Variants in DNAH17 observed in about 807,000 individuals in gnomAD.
DNAH17 encodes the protein dynein axonemal heavy chain 17, also known as axonemal beta dynein heavy chain 17.
A neutral mutation model predicts 485.6 loss-of-function variants in DNAH17; 376 were observed. The observed-to-expected ratio is 0.77, with a 90% CI of 0.71 to 0.84. DNAH17 has a LOEUF of 0.84. Ranked by LOEUF, DNAH17 falls within the 40% of genes least tolerant of loss-of-function variation. The pLI, the probability that DNAH17 is intolerant of heterozygous loss-of-function variation, is 0.00. For synonymous variants in DNAH17, 3,031 were observed against 2,405.9 expected, an observed-to-expected ratio of 1.26 and a Z score of -7.60; for missense variants, 6,370 against 5,839.3, an observed-to-expected ratio of 1.09 and a Z score of -2.96.
chr17:78,456,612 G>A (rs1036991056), intron 62 of DNAH17, among the ~76,000 whole-genome samples: 4 of 152,276 alleles, frequency 2.6e-5, no homozygotes, highest in Middle Eastern at 3.4e-3. Context: ...TGCTTCTCGG[G>A]CCACCATCTT....
At chr17:78,568,087 C>A (rs1375901466) in intron 9 of DNAH17, among the ~76,000 whole-genome samples, 1 of 152,168 alleles carries the variant, frequency 6.6e-6, no homozygotes, top group Non-Finnish European at 1.5e-5. Context: ...CCACCCGACG[C>A]GGAGGACACA....
Position 78,437,689 on chromosome 17 carries a change from G to T in DNAH17, c.11985C>A (p.Pro3995=). The T allele has an allele frequency of 1.2e-6, 2 of 1,612,066 alleles. No homozygotes were observed. Among genetic ancestry groups the T allele is most frequent in the Non-Finnish European group, 1.7e-6 (2 of 1,179,500 alleles). ...ENAIKITNEP[P]TGMHANLHKA... is the part of the protein sequence containing the mutation. ...TGTGCAAGTTGGCGTGCATGCCCGT[G>T]GGGGGCTCGTTGGTGATCTTGATGG... The change falls in exon 74 of 81, where the codon CCC becomes CCA. Residue 3995 remains proline, a synonymous_variant. Transcript: ENST00000389840.
chr17:78,547,287 C>T (rs1412426862), intron 16 of DNAH17, among the ~76,000 whole-genome samples: 1 of 152,182 alleles, frequency 6.6e-6, no homozygotes, highest in Non-Finnish European at 1.5e-5. Context: ...TTCCAAGCCC[C>T]TGCATGTGTG....
In DNAH17 at chr17:78,571,758, C is replaced by T; in HGVS notation, c.564G>A (p.Leu188=). ...TGGTGGTTTCAATGGCGTGCAGGAG[C>T]AAGTTGTCCAGTGAAGAGGGGATCC... is the stretch of plus-strand genomic sequence containing the variant. ...MERIPSSLDN[L]LLHAIETTII... Residue 188 remains leucine (L), a synonymous_variant, in exon 4 of 81, where the codon TTG becomes TTA. Transcript: ENST00000389840. 1 of 1,600,862 alleles carries T rather than the reference C, an allele frequency of 6.2e-7. No individual in the cohort carries two copies. Among genetic ancestry groups the T allele is most frequent in the Non-Finnish European group, 8.5e-7 (1 of 1,173,024 alleles).
chr17:78,439,323 C>A, intron 72 of DNAH17, 106 bp from the exon 73 acceptor site: 1 of 1,344,232 alleles, frequency 7.4e-7, no homozygotes, highest in South Asian at 1.5e-5. Context: ...CATTTAGTTT[C>A]GGTGGTGAAA....
At chr17:78,519,161 C>T (rs1229426308) in intron 25 of DNAH17, among the ~76,000 whole-genome samples, 1 of 98,556 alleles carries the variant, frequency 1.0e-5, no homozygotes, top group East Asian at 2.9e-4. Context: ...GAGCGAGACT[C>T]CGTCTCAAAA....
rs1479652457 is a variant in DNAH17, at chr17:78,468,964, C to T, written c.8512-81G>A. 6 of 1,498,638 alleles carry T rather than the reference C, an allele frequency of 4.0e-6. No individual in the cohort carries two copies. The African/African-American group carries it at 6.9e-5, about 17-fold the overall frequency. The allele number at this position is 1,498,638 out of a possible 1,614,324, so 92.8% of individuals were successfully genotyped here. ...ACATCCTCCACAACCAACCAGAGCACAGGGCCATTTTTTCTTTGAGACGGA... is the reference window on the plus strand; with the variant it reads ...ACATCCTCCACAACCAACCAGAGCATAGGGCCATTTTTTCTTTGAGACGGA... On this transcript the variant is annotated intron_variant, in intron 54 of 80. Coordinates refer to ENST00000389840, the MANE Select transcript of DNAH17 (RefSeq NM_173628.4).
At chr17:78,464,118 G>T (rs2088291117) in intron 56 of DNAH17, among the ~76,000 whole-genome samples, 1 of 152,188 alleles carries the variant, frequency 6.6e-6, no homozygotes, top group African/African-American at 2.4e-5. Flanking sequence ...GTGTTCAAAA[G>T]AAACAAGAGA....
intron 70 of DNAH17, among the ~76,000 whole-genome samples, chr17:78,445,101 C>T (rs926334699): frequency 1.3e-5 from 2 of 151,928 alleles, no homozygotes; most frequent in East Asian, 1.9e-4. Context: ...AGGGGACGAC[C>T]TTCTTCAGGT....
Position 78,424,992 on chromosome 17 carries a change from G to A in DNAH17, c.13141+354C>T, listed in dbSNP as rs148353756. ...TGGAGTCTCAGTGCAGCCACAAAAC[G>A]CACTTCTGCCCTGGGCTGACTGCTC... On this transcript the variant is annotated intron_variant, in intron 80 of 80. Coordinates refer to ENST00000389840, the MANE Select transcript of DNAH17 (RefSeq NM_173628.4). 5.7e-3 allele frequency: 1,009 copies of A among 177,718 alleles called. 23 individuals carry two copies. Among genetic ancestry groups the A allele is most frequent in the Non-Finnish European group, 2.3e-3 (193 of 83,820 alleles). The allele number at this position is 177,718 out of a possible 1,614,324, so 11.0% of individuals were successfully genotyped here. A position where few individuals can be genotyped will look rare whatever the true frequency, so the allele number is the denominator to read the frequency against.
At chr17:78,540,624 GGTGT>G (rs1405268977) in intron 17 of DNAH17, among the ~76,000 whole-genome samples, 1 of 133,004 alleles carries the variant, frequency 7.5e-6, no homozygotes. Context: ...AGAGTGGGTA[GGTGT>G]GTGAGTCCAT....
chr17:78,490,510 G>A (rs1409191544), intron 44 of DNAH17, among the ~76,000 whole-genome samples, 189 bp downstream of exon 44: 5 of 151,200 alleles, frequency 3.3e-5, no homozygotes, highest in Admixed American at 6.6e-5. Context: ...CCTGCCTCGT[G>A]TCACTGTGAA....
At chr17:78,538,010 G>C (rs944906996) in intron 18 of DNAH17, among the ~76,000 whole-genome samples, 1 of 152,002 alleles carries the variant, frequency 6.6e-6, no homozygotes, top group African/African-American at 2.4e-5. Context: ...GCCTGGTGGT[G>C]GGTGTCTGGA....
At position 78,526,812 on chromosome 17, in the gene DNAH17, C is replaced by A. The variant is rs996007959; in HGVS notation, c.3624+68G>T. 5.1e-6 allele frequency: 8 copies of A among 1,555,622 alleles called. No homozygotes were observed. The African/African-American group carries it at 6.8e-5, about 13-fold the overall frequency. Reference sequence around the variant, plus strand: ...CCCAAGGGTGGCCCCACCCTGTATGCCGCAGGGCCCTGGGTGAGCCCCACG... The same window carrying A: ...CCCAAGGGTGGCCCCACCCTGTATGACGCAGGGCCCTGGGTGAGCCCCACG... On this transcript the variant is annotated intron_variant, in intron 23 of 80. Transcript: ENST00000389840.
At chr17:78,490,910 G>T in intron 43 of DNAH17, 63 bp from the exon 44 acceptor site, 1 of 1,495,154 alleles carries the variant, frequency 6.7e-7, no homozygotes, top group Non-Finnish European at 9.0e-7. Context: ...ATGGTGTTCT[G>T]GGGTGGGGGT....
chr17:78,496,896 TCTC>T (rs1322480010), intron 37 of DNAH17: 3 of 152,108 alleles, frequency 2.0e-5, no homozygotes, highest in Admixed American at 6.6e-5. Flanking sequence ...ATGGTCTCGA[TCTC>T]CTGACCTCGT....
Position 78,428,553 on chromosome 17 carries a change from G to GC in DNAH17, c.12559dup (p.Ala4187GlyfsTer30), listed in dbSNP as rs1257090776. 3.1e-6 allele frequency: 5 copies of GC among 1,611,892 alleles called. No homozygotes were observed. In the South Asian group the frequency reaches 5.5e-5, roughly 18 times the overall value. ...CTCCTCGCGGGACACTCCCGTGCCT[G>GC]CCCCCGAGTCCGTCTCTTTTGGCTG... On this transcript the variant is annotated frameshift_variant, in exon 77 of 81. Transcript: ENST00000389840. LOFTEE classifies it high-confidence loss of function.
At position 78,544,094 on chromosome 17, in the gene DNAH17, G is replaced by A; in HGVS notation, c.2392-97C>T. 6 of 1,539,344 alleles carry A rather than the reference G, an allele frequency of 3.9e-6. No individual in the cohort carries two copies. In the South Asian group the frequency reaches 7.1e-5, roughly 18 times the overall value. On this transcript the variant is annotated intron_variant, in intron 16 of 80. Transcript: ENST00000389840. ...TGCTTTTGATGTGAGTTTCGTCACT[G>A]CTGCCTGATCTTGGATTGGAGTCTA...
At chr17:78,501,942 G>A in intron 33 of DNAH17, 69 bp from the exon 34 acceptor site, 1 of 1,598,804 alleles carries the variant, frequency 6.3e-7, no homozygotes, top group Non-Finnish European at 8.5e-7. Flanking sequence ...TTGTGGCTGG[G>A]TGCCCACAGC....
Sources: gnomAD v4.1 joint callset for allele counts (sites outside exome capture counted in the v4.1 genomes callset) on GRCh38, gnomAD v4.1.1 for gene constraint, MANE v1.5 for transcripts, NCBI Gene and HGNC (gene_info 2026-07-23, HGNC 2026-07-21) for gene names.